The following MYH15 variants were observed in gnomAD, a reference collection of about 807,000 sequenced individuals.
MYH15 encodes myosin-15.
A neutral mutation model predicts 240.5 loss-of-function variants in MYH15; 227 were observed. That is an observed-to-expected ratio of 0.94 (90% CI 0.85 to 1.05). MYH15 has a LOEUF of 1.05. Ranked by LOEUF, MYH15 falls within the 50% of genes least tolerant of loss-of-function variation. MYH15 has a pLI of 0.00. For synonymous variants in MYH15, 785 were observed against 796.7 expected (o/e 0.99, Z 0.25); for missense variants, 2,217 against 2,247.5 (o/e 0.99, Z 0.27).
At chr3:108,453,619 G>T (rs16854645) in intron 21 of MYH15, among the ~76,000 whole-genome samples, 19,791 of 152,136 alleles carry the variant, frequency 0.13, 1,688 homozygotes, top group East Asian at 0.41. Context: ...AGGTAACAAA[G>T]GGGTCAGAAC....
At chr3:108,386,772 C>T (rs2082386833) in intron 38 of MYH15, among the ~76,000 whole-genome samples, 1 of 151,990 alleles carries the variant, frequency 6.6e-6, no homozygotes, top group Admixed American at 6.6e-5. Flanking sequence ...AACACAGCAA[C>T]TTAACCAAAT....
intron 40 of MYH15, 128 bp downstream of exon 40, chr3:108,383,467 C>T: frequency 2.0e-6 from 2 of 1,005,068 alleles, no homozygotes; most frequent in Non-Finnish European, 2.8e-6. Context: ...TATTGGAACC[C>T]TTTGTTCTTA....
chr3:108,443,358 T>A (rs1056065467), intron 22 of MYH15, among the ~76,000 whole-genome samples: 5 of 152,142 alleles, frequency 3.3e-5, no homozygotes, highest in Non-Finnish European at 7.4e-5. Context: ...TATTAAAAAG[T>A]AATAATAATA....
chr3:108,386,677 T>C (rs2082386321), intron 38 of MYH15, among the ~76,000 whole-genome samples: 1 of 151,842 alleles, frequency 6.6e-6, no homozygotes, highest in African/African-American at 2.4e-5. Flanking sequence ...CTTGCTTGCA[T>C]CTTCATCCTT....
chr3:108,434,592 A>G (rs1182097204), intron 25 of MYH15, among the ~76,000 whole-genome samples: 1 of 152,176 alleles, frequency 6.6e-6, no homozygotes, highest in Non-Finnish European at 1.5e-5. Flanking sequence ...ACACAAGCCT[A>G]CACAGAGTAC....
chr3:108,545,810 A>G, the MYH15 span, among the ~76,000 whole-genome samples: 1 of 151,952 alleles, frequency 6.6e-6, no homozygotes, highest in East Asian at 1.9e-4. Context: ...ATCTCTTCCC[A>G]ATACCTATTA....
intron 22 of MYH15, among the ~76,000 whole-genome samples, chr3:108,442,775 T>C (rs2082894965): frequency 1.1e-5 from 1 of 92,592 alleles, no homozygotes; most frequent in African/African-American, 3.0e-5. Flanking sequence ...AATATTTCTT[T>C]TTTTTTTTTT....
chr3:108,474,395 C>T (rs2083202242), intron 12 of MYH15, among the ~76,000 whole-genome samples: 1 of 151,326 alleles, frequency 6.6e-6, no homozygotes, highest in Non-Finnish European at 1.5e-5. Flanking sequence ...GTCTTTAATT[C>T]CTCAGAACAC....
At position 108,495,835 on chromosome 3, in the gene MYH15, A is replaced by T; in HGVS notation, c.656T>A (p.Ile219Asn). 1 of 1,612,786 alleles carries T rather than the reference A, an allele frequency of 6.2e-7. No homozygotes were observed. Among genetic ancestry groups the T allele is most frequent in the Non-Finnish European group, 8.5e-7 (1 of 1,179,492 alleles). ...TTTAGCATTTCCAAATGCTTCCAAG[A>T]TAGTATTCGCTTGCATGATTTGATC... is the stretch of plus-strand genomic sequence containing the variant. Reference protein sequence around the residue: ...LEDQIMQANTILEAFGNAKTL... With the variant: ...LEDQIMQANTNLEAFGNAKTL... The change falls in exon 7 of 41, where the codon ATC becomes AAC. Residue 219 changes from isoleucine to asparagine, a missense_variant. Transcript: ENST00000693548.
chr3:108,454,178 T>C, intron 20 of MYH15, 36 bp from the exon 21 acceptor site: 1 of 1,581,374 alleles, frequency 6.3e-7, no homozygotes, highest in Admixed American at 1.7e-5. Context: ...CCACTGATAA[T>C]GGGTATTCAG....
upstream of MYH15, among the ~76,000 whole-genome samples, chr3:108,533,104 A>T (rs1194964309): frequency 1.4e-5 from 2 of 147,600 alleles, no homozygotes; most frequent in South Asian, 2.1e-4. Context: ...ATATATTTTT[A>T]AAAACAATAA....
intron 1 of MYH15, among the ~76,000 whole-genome samples, chr3:108,517,285 C>A (rs1396860344): frequency 6.6e-6 from 1 of 152,208 alleles, no homozygotes; most frequent in African/African-American, 2.4e-5. Flanking sequence ...GATCAAAATG[C>A]TGGATCTCTG....
rs1222992951 is a variant in MYH15 at position 108,464,303 on chromosome 3, G to A, written c.1731+335C>T. 2.0e-5 allele frequency among the ~76,000 whole-genome samples: 3 copies of A among 152,238 alleles called. No homozygotes were observed. In the East Asian group the frequency reaches 5.8e-4, roughly 29 times the overall value. Reference sequence around the variant, plus strand: ...AAAATCTTCAACAAAAAGATCAACTGAAATCATTCATTCACACAACGTTAA... The same window carrying A: ...AAAATCTTCAACAAAAAGATCAACTAAAATCATTCATTCACACAACGTTAA... On this transcript the variant is annotated intron_variant, in intron 15 of 40. Transcript: ENST00000693548.
At chr3:108,440,722 G>T (rs1235214512) in intron 23 of MYH15, among the ~76,000 whole-genome samples, 2 of 148,456 alleles carry the variant, frequency 1.3e-5, no homozygotes, top group African/African-American at 5.0e-5. Flanking sequence ...GGTTCTTACA[G>T]GCCCGATGAA....
At chr3:108,516,927 G>A (rs1441363632) in intron 1 of MYH15, among the ~76,000 whole-genome samples, 1 of 152,170 alleles carries the variant, frequency 6.6e-6, no homozygotes, top group Non-Finnish European at 1.5e-5. Context: ...TCTGCTCCCC[G>A]CTCCCCTCCC....
intron 1 of MYH15, among the ~76,000 whole-genome samples, chr3:108,524,973 A>G (rs1168542545): frequency 2.0e-5 from 3 of 152,066 alleles, no homozygotes; most frequent in Non-Finnish European, 2.9e-5. Context: ...TCCTTTAAAG[A>G]TTCTTCCCAG....
At chr3:108,499,054 C>A (rs1193487060) in intron 5 of MYH15, among the ~76,000 whole-genome samples, 3 of 152,184 alleles carry the variant, frequency 2.0e-5, no homozygotes, top group African/African-American at 7.2e-5. Flanking sequence ...TGACCTGCCC[C>A]AATCTGGCTG....
Position 108,439,869 on chromosome 3 carries a change from G to C in MYH15, c.2943C>G (p.Ile981Met). The C allele has an allele frequency of 6.2e-7, 1 of 1,609,910 alleles. No individual in the cohort carries two copies. The highest frequency in any genetic ancestry group is 8.5e-7 in the Non-Finnish European group (1 of 1,178,504). The change falls in exon 24 of 41, where the codon ATC becomes ATG. Residue 981 changes from isoleucine (I) to methionine (M), a missense_variant. Transcript: ENST00000693548. ...TEEVEFLNED[I>M]SKLNRAAKVV... Reference sequence around the variant, plus strand: ...CCTTGGCTGCTCTGTTAAGTTTGCTGATATCCTCATTTAGAAACTCTACTT... The same window carrying C: ...CCTTGGCTGCTCTGTTAAGTTTGCTCATATCCTCATTTAGAAACTCTACTT...
At chr3:108,502,463 T>C (rs1008814322) in intron 2 of MYH15, among the ~76,000 whole-genome samples, 2 of 152,226 alleles carry the variant, frequency 1.3e-5, no homozygotes, top group African/African-American at 4.8e-5. Flanking sequence ...TTTGATGTTG[T>C]CTTCTTTAAT....
Sources: allele counts gnomAD v4.1 joint callset (sites outside exome capture counted in the v4.1 genomes callset), GRCh38; gene constraint gnomAD v4.1.1; transcripts MANE v1.5; gene names NCBI Gene and HGNC (gene_info 2026-07-23, HGNC 2026-07-21).